The following RSPH3 variants were observed in gnomAD, a reference collection of about 807,000 sequenced individuals.
RSPH3 encodes radial spoke head protein 3 homolog.
In RSPH3, 21 loss-of-function variants were observed where a neutral mutation model predicts 43.8. The observed-to-expected ratio is 0.48, with a 90% CI of 0.34 to 0.69. The LOEUF (loss-of-function observed/expected upper bound fraction) is 0.69, where lower values mean the gene tolerates loss of function less well. Among genes scored for constraint, RSPH3 ranks in the 30% least tolerant of loss-of-function variants. The pLI, the probability that RSPH3 is intolerant of heterozygous loss-of-function variation, is 0.01. For missense variants in RSPH3, 487 were observed against 516.0 expected (o/e 0.94, Z 0.54); for synonymous variants, 173 against 179.8 (o/e 0.96, Z 0.30).
chr6:158,970,332 T>C (rs1469610297), downstream of RSPH3, among the ~76,000 whole-genome samples: 2 of 152,178 alleles, frequency 1.3e-5, no homozygotes, highest in South Asian at 2.1e-4. Flanking sequence ...ACCAGTAAGT[T>C]TTCCATCCTT....
intron 2 of RSPH3, among the ~76,000 whole-genome samples, chr6:158,990,213 C>T (rs1258726362): frequency 6.6e-6 from 1 of 152,070 alleles, no homozygotes; most frequent in Non-Finnish European, 1.5e-5. Context: ...TCCATTTGTT[C>T]TGTCCCTCTA....
chr6:158,982,734 C>G lies in RSPH3; in HGVS notation c.493-46G>C, dbSNP rs781011998. 2.3e-6 allele frequency: 3 copies of G among 1,315,004 alleles called. No homozygotes were observed. In the East Asian group the frequency reaches 7.2e-5, roughly 31 times the overall value. The allele number at this position is 1,315,004 out of a possible 1,614,324, so 81.5% of individuals were successfully genotyped here. On this transcript the variant is annotated intron_variant, in intron 4 of 7. Transcript: ENST00000367069. ...CAAACTTAAAATTTTAATTACGAAT[C>G]AAATGCTCAACAAAAATATAATGAA...
chr6:158,968,593 A>G (rs1562553221), downstream of RSPH3, among the ~76,000 whole-genome samples: 1 of 152,136 alleles, frequency 6.6e-6, no homozygotes, highest in Non-Finnish European at 1.5e-5. Context: ...GATTACAATT[A>G]ACATCTTAAT....
chr6:158,968,903 G>T (rs1280030694), downstream of RSPH3, among the ~76,000 whole-genome samples: 1 of 152,040 alleles, frequency 6.6e-6, no homozygotes. Context: ...TAGAGACAGG[G>T]TTTCACCATG....
intron 2 of RSPH3, among the ~76,000 whole-genome samples, chr6:158,992,154 G>A (rs774190209): frequency 3.0e-4 from 45 of 148,676 alleles, no homozygotes; most frequent in African/African-American, 1.1e-3. Context: ...TCTCTCTAAC[G>A]TGGATTTGAA....
At position 158,999,502 on chromosome 6, in the gene RSPH3, T is replaced by C; in HGVS notation, c.49A>G (p.Thr17Ala). The change falls in exon 1 of 8, where the codon ACC (threonine) becomes GCC (alanine). Residue 17 changes from threonine (T) to alanine (A), a missense_variant. By Grantham distance (58) the Thr-to-Ala change is moderately conservative. Transcript: ENST00000367069. Reference sequence around the variant, plus strand: ...AGTGCTCGGGGCCGGCTGGTGTAGGTGTAGGTGCTCGGGGCCCGAGAGGTG... The same window carrying C: ...AGTGCTCGGGGCCGGCTGGTGTAGGCGTAGGTGCTCGGGGCCCGAGAGGTG... ...DRTSRAPSTY[T>A]YTSRPRALPC... is the part of the protein sequence containing the mutation. 1.3e-6 allele frequency: 2 copies of C among 1,552,480 alleles called. No individual in the cohort carries two copies. Among genetic ancestry groups the C allele is most frequent in the Non-Finnish European group, 8.7e-7 (1 of 1,146,806 alleles).
In RSPH3 at chr6:158,998,891, C is replaced by T. The variant is rs959078769; in HGVS notation, c.116+544G>A. 6.1e-5 allele frequency among the ~76,000 whole-genome samples: 9 copies of T among 146,576 alleles called. No homozygotes were observed. In the South Asian group the frequency reaches 8.4e-4, roughly 14 times the overall value. On this transcript the variant is annotated intron_variant, in intron 1 of 7. Transcript: ENST00000367069. ...GTCTCAAAACAACAACAGCAACCAC[C>T]ACCACCACCACCACCACCACCACAA...
Position 158,999,949 on chromosome 6 carries a change from AGGCGGCCT to A in RSPH3, c.-407_-400del, listed in dbSNP as rs1778808870. The A allele has an allele frequency of 6.2e-7, 1 of 1,605,974 alleles. No individual in the cohort carries two copies. Among genetic ancestry groups the A allele is most frequent in the Non-Finnish European group, 8.5e-7 (1 of 1,175,940 alleles). On this transcript the variant is annotated 5_prime_UTR_variant, in exon 1 of 8. The change creates a premature stop within an existing upstream ORF in the 5' untranslated region. Coordinates refer to ENST00000367069, the MANE Select transcript of RSPH3 (RefSeq NM_031924.8). Reference sequence around the variant, plus strand: ...CGCTTTGCGAGGTTCCTGGCTAGGGAGGCGGCCTTGGCTGGCTTGACCGTCATCCTTGA... The same window carrying A: ...CGCTTTGCGAGGTTCCTGGCTAGGGATGGCTGGCTTGACCGTCATCCTTGA...
chr6:158,969,217 C>T (rs973766056), downstream of RSPH3, among the ~76,000 whole-genome samples: 2 of 152,078 alleles, frequency 1.3e-5, no homozygotes, highest in African/African-American at 4.8e-5. Flanking sequence ...GACAAGTTCT[C>T]TCAGTTTTTG....
chr6:158,999,856 G>A lies in RSPH3; in HGVS notation c.-306C>T. The A allele has an allele frequency of 6.2e-7, 1 of 1,613,912 alleles. No homozygotes were observed. Among genetic ancestry groups the A allele is most frequent in the Non-Finnish European group, 8.5e-7 (1 of 1,179,958 alleles). On this transcript the variant is annotated 5_prime_UTR_variant, in exon 1 of 8. Coordinates refer to ENST00000367069, the MANE Select transcript of RSPH3 (RefSeq NM_031924.8). ...TTCCGGTCCCCAGGTTTCCCGGGAA[G>A]GACTGCGGCACAAGGGACTTCCGGC...
At position 159,000,116 on chromosome 6, in the gene RSPH3, G is replaced by A; in HGVS notation, c.-566C>T. ...TGTCCTCGGCTGTTTCTCCTGCCGC[G>A]GCGCAGCAGCGCTCCCAGGCTGCCC... On this transcript the variant is annotated 5_prime_UTR_variant, in exon 1 of 8. Coordinates refer to ENST00000367069, the MANE Select transcript of RSPH3 (RefSeq NM_031924.8). 2.2e-6 allele frequency: 2 copies of A among 905,172 alleles called. No homozygotes were observed. Among genetic ancestry groups the A allele is most frequent in the Non-Finnish European group, 3.2e-6 (2 of 625,490 alleles). The allele number at this position is 905,172 out of a possible 1,614,324, so 56.1% of individuals were successfully genotyped here. A position where few individuals can be genotyped will look rare whatever the true frequency, so the allele number is the denominator to read the frequency against.
intron 6 of RSPH3, among the ~76,000 whole-genome samples, chr6:158,980,210 G>A (rs1472381981): frequency 3.3e-5 from 5 of 152,140 alleles, no homozygotes; most frequent in African/African-American, 7.2e-5. Flanking sequence ...CAAGGCAGGC[G>A]GATCACTTGA....
rs1778781162 is a variant in RSPH3, at chr6:158,999,581, G to A, written c.-31C>T. 3 of 1,609,114 alleles carry A rather than the reference G, an allele frequency of 1.9e-6. No individual in the cohort carries two copies. Among genetic ancestry groups the A allele is most frequent in the African/African-American group, 1.3e-5 (1 of 74,836 alleles). On this transcript the variant is annotated 5_prime_UTR_variant, in exon 1 of 8. Coordinates refer to ENST00000367069, the MANE Select transcript of RSPH3 (RefSeq NM_031924.8). Reference sequence around the variant, plus strand: ...GGGGCTGACTGCCTCGCTTTCGGTGGAGCTTGGCTTTGAAGCAGGTGGGCG... The same window carrying A: ...GGGGCTGACTGCCTCGCTTTCGGTGAAGCTTGGCTTTGAAGCAGGTGGGCG...
intron 1 of RSPH3, among the ~76,000 whole-genome samples, chr6:158,998,297 CAAAAAAAAA>C (rs71297000): frequency 3.7e-5 from 2 of 53,922 alleles, no homozygotes; most frequent in Admixed American, 5.1e-4. Context: ...TAAAAAAATA[CAAAAAAAAA>C]AAAAAAAAAA....
the RSPH3 span, among the ~76,000 whole-genome samples, chr6:158,967,472 C>A: frequency 6.6e-6 from 1 of 152,150 alleles, no homozygotes; most frequent in East Asian, 1.9e-4. Context: ...ATACATTGTG[C>A]AATTTTCACT....
chr6:158,965,879 T>C, the RSPH3 span, among the ~76,000 whole-genome samples: 2 of 152,116 alleles, frequency 1.3e-5, no homozygotes, highest in African/African-American at 2.4e-5. Flanking sequence ...AAGTATTATG[T>C]TGTGGAATTT....
At chr6:158,998,410 A>G (rs796339609) in intron 1 of RSPH3, among the ~76,000 whole-genome samples, 25 of 139,464 alleles carry the variant, frequency 1.8e-4, no homozygotes, top group African/African-American at 6.1e-4. Context: ...TGGAGGTTGC[A>G]GTGAGCCGAG....
At chr6:158,981,733 A>C (rs891471121) in intron 5 of RSPH3, among the ~76,000 whole-genome samples, 2 of 152,182 alleles carry the variant, frequency 1.3e-5, no homozygotes, top group African/African-American at 4.8e-5. Context: ...AGGATTTCCC[A>C]ACAATTATGC....
At chr6:158,998,831 T>G (rs1297908787) in intron 1 of RSPH3, among the ~76,000 whole-genome samples, 1 of 151,308 alleles carries the variant, frequency 6.6e-6, no homozygotes, top group South Asian at 2.1e-4. Context: ...GATCGCGTCA[T>G]TGCAGTCCAG....
Sources: gnomAD v4.1 joint callset for allele counts (sites outside exome capture counted in the v4.1 genomes callset) on GRCh38, gnomAD v4.1.1 for gene constraint, MANE v1.5 for transcripts, NCBI Gene and HGNC (gene_info 2026-07-23, HGNC 2026-07-21) for gene names.